Variants in RELCH observed in about 807,000 individuals in gnomAD.
The protein encoded by RELCH is RAB11 binding and LisH domain, coiled-coil and HEAT repeat containing.
A neutral mutation model predicts 150.3 loss-of-function variants in RELCH; 41 were observed. The ratio of observed to expected loss-of-function variants is 0.27; its 90% CI spans 0.21 to 0.35. RELCH has a LOEUF of 0.35. Among genes scored for constraint, RELCH ranks in the 10% least tolerant of loss-of-function variants. The pLI is 1.00. For synonymous variants in RELCH, 478 were observed against 531.8 expected, an observed-to-expected ratio of 0.90 and a Z score of 1.39; for missense variants, 1,092 against 1,467.8, an observed-to-expected ratio of 0.74 and a Z score of 4.18.
chr18:62,295,222 T>C (rs1355527722), intron 27 of RELCH, among the ~76,000 whole-genome samples: 2 of 152,120 alleles, frequency 1.3e-5, no homozygotes, highest in African/African-American at 4.8e-5. Flanking sequence ...TATGATTGAG[T>C]CTTGCTATAT....
Position 62,221,392 on chromosome 18 carries a change from C to G in RELCH, c.753C>G (p.Ile251Met), listed in dbSNP as rs1247461371. The G allele has an allele frequency of 1.9e-6, 3 of 1,598,892 alleles. No homozygotes were observed. The Admixed American group carries it at 5.0e-5, about 27-fold the overall frequency. ...YKSSPEIQEP[I>M]KPLEKRALNF... ...TCTTATTTTGCTTCCAGGAGCCAAT[C>G]AAACCTCTTGAAAAGAGAGCTCTAA... The change falls in exon 5 of 29, where the codon ATC (isoleucine) becomes ATG (methionine). Residue 251 changes from isoleucine to methionine, a missense_variant. By Grantham distance (10) the Ile-to-Met change is conservative. Around this residue, in one of 4 missense-constraint regions of RELCH, gnomAD observed 190 missense variants for 276.2 expected, o/e 0.69. Transcript: ENST00000644646.
At chr18:62,288,061 A>G (rs187604191) in intron 26 of RELCH, among the ~76,000 whole-genome samples, 188 of 152,222 alleles carry the variant, frequency 1.2e-3, no homozygotes, top group Non-Finnish European at 2.2e-3. Context: ...TAAAAGCAAA[A>G]CTGTGACTGG....
intron 10 of RELCH, among the ~76,000 whole-genome samples, chr18:62,240,011 G>A (rs2042064436): frequency 6.6e-6 from 1 of 151,206 alleles, no homozygotes; most frequent in East Asian, 2.0e-4. Flanking sequence ...TGACAATTAG[G>A]GTACTGATAA....
chr18:62,227,260 A>AT (rs2041272689), intron 5 of RELCH, 29 bp from the exon 6 acceptor site: 4 of 1,429,336 alleles, frequency 2.8e-6, no homozygotes, highest in Non-Finnish European at 1.9e-6. Context: ...TTCCTCGAAG[A>AT]TTTTTTATGT....
chr18:62,230,807 A>T (rs1451107673), intron 8 of RELCH, among the ~76,000 whole-genome samples: 1 of 152,084 alleles, frequency 6.6e-6, no homozygotes, highest in African/African-American at 2.4e-5. Flanking sequence ...GTCAACCTTT[A>T]TCCACTTTAC....
At chr18:62,270,716 A>G (rs1312482925) in intron 20 of RELCH, among the ~76,000 whole-genome samples, 2 of 152,060 alleles carry the variant, frequency 1.3e-5, no homozygotes, top group African/African-American at 4.8e-5. Context: ...ACATCGGTAT[A>G]CATGTGCCAT....
At chr18:62,196,788 C>T (rs561609380) in intron 1 of RELCH, among the ~76,000 whole-genome samples, 39 of 152,308 alleles carry the variant, frequency 2.6e-4, no homozygotes, top group African/African-American at 9.4e-4. Flanking sequence ...TTAAGGATTA[C>T]AGCGATCTAA....
chr18:62,299,216 A>G (rs1462807324), intron 28 of RELCH, among the ~76,000 whole-genome samples: 1 of 152,210 alleles, frequency 6.6e-6, no homozygotes, highest in African/African-American at 2.4e-5. Context: ...GAGTTGTAAG[A>G]TGAACAACGT....
rs115561225 is a variant in RELCH at position 62,249,778 on chromosome 18, A to G, written c.1734-2886A>G. On this transcript the variant is annotated intron_variant, in intron 11 of 28. Transcript: ENST00000644646. ...TTTTTCTGTAAGGTGAAAGTGATCT[A>G]CTTTCACCTTACACAAATATAAATT... Among the ~76,000 whole-genome samples the G allele has an allele frequency of 9.7e-4, 147 of 151,738 alleles. 1 individual carries two copies. Among genetic ancestry groups the G allele is most frequent in the African/African-American group, 3.5e-3 (143 of 41,438 alleles).
In RELCH at chr18:62,227,374, A is replaced by G. The variant is rs1297000378; in HGVS notation, c.944A>G (p.Gln315Arg). The G allele has an allele frequency of 1.6e-5, 26 of 1,612,816 alleles. No individual in the cohort carries two copies. Among genetic ancestry groups the G allele is most frequent in the Non-Finnish European group, 2.1e-5 (25 of 1,179,272 alleles). The change falls in exon 6 of 29, where the codon CAA becomes CGA. Residue 315 changes from glutamine to arginine, a missense_variant. By Grantham distance (43) the Gln-to-Arg change is conservative (BLOSUM62 1). Around this residue, in one of 4 missense-constraint regions of RELCH, gnomAD observed 57 missense variants for 41.5 expected, o/e 1.37. Transcript: ENST00000644646. ...CTCTACCGGGATTTTGGAAATCATC[A>G]AGTAACTGGAAAAGATCTTGTAGAT... ...LQLYRDFGNH[Q>R]VTGKDLVDVA... is the part of the protein sequence containing the mutation.
chr18:62,305,318 A>G lies in RELCH; in HGVS notation c.3531-96A>G. ...ATATTAGTTTCCCTTTTGTGACGCC[A>G]ATTCAGAGTGTGTTCGTTAATGATA... On this transcript the variant is annotated intron_variant, in intron 28 of 28. Coordinates refer to ENST00000644646, the MANE Select transcript of RELCH (RefSeq NM_001346231.2). The surrounding 1 kb of genome is among the most constrained non-coding windows in gnomAD (Gnocchi z 4.0). 1.9e-6 allele frequency: 2 copies of G among 1,070,894 alleles called. No homozygotes were observed. The highest frequency in any genetic ancestry group is 2.6e-6 in the Non-Finnish European group (2 of 762,392). The allele number at this position is 1,070,894 out of a possible 1,614,324, so 66.3% of individuals were successfully genotyped here.
intron 13 of RELCH, among the ~76,000 whole-genome samples, chr18:62,256,754 CAGTTGACCCTTGCCTAA>C (rs2043011177): frequency 6.6e-6 from 1 of 152,132 alleles, no homozygotes; most frequent in South Asian, 2.1e-4. Flanking sequence ...CTGATTGCCA[CAGTTGACCCTTGCCTAA>C]ATCAGCATAA....
intron 1 of RELCH, among the ~76,000 whole-genome samples, chr18:62,190,558 C>G (rs889677702): frequency 4.6e-5 from 7 of 152,096 alleles, no homozygotes; most frequent in Admixed American, 1.3e-4. Context: ...GCCTGGGCGA[C>G]AGAGCAAGAC....
rs781553220 is a variant in RELCH, at chr18:62,280,698, A to G, written c.3103A>G (p.Ile1035Val). 2 of 1,600,864 alleles carry G rather than the reference A, an allele frequency of 1.2e-6. No individual in the cohort carries two copies. Among genetic ancestry groups the G allele is most frequent in the Non-Finnish European group, 8.6e-7 (1 of 1,168,192 alleles). ...CTTTGGCACTATTATGGAAACAGTA[A>G]TTCAAAGAGAGGTAGGAATAATTGA... Reference protein sequence around the residue: ...PAFGTIMETVIQRELLERVKM... With the variant: ...PAFGTIMETVVQRELLERVKM... Residue 1035 changes from isoleucine to valine, a missense_variant, in exon 24 of 29, where the codon ATT (isoleucine) becomes GTT (valine). Transcript: ENST00000644646.
intron 27 of RELCH, among the ~76,000 whole-genome samples, chr18:62,297,865 T>G (rs1407764880): frequency 2.0e-5 from 3 of 152,210 alleles, no homozygotes; most frequent in African/African-American, 7.2e-5. Flanking sequence ...CTTCATGTTT[T>G]TACTTAAACA....
chr18:62,303,229 A>G (rs2045744370), intron 28 of RELCH, among the ~76,000 whole-genome samples: 1 of 152,164 alleles, frequency 6.6e-6, no homozygotes, highest in African/African-American at 2.4e-5. Flanking sequence ...GATGGAAAGA[A>G]TCAGAAGTAC....
chr18:62,285,119 TTTTGTTTGTTTGTTTG>T (rs61686710), intron 25 of RELCH, among the ~76,000 whole-genome samples: 3 of 150,726 alleles, frequency 2.0e-5, no homozygotes, highest in Non-Finnish European at 4.4e-5. Context: ...ATATACAGTT[TTTTGTTTGTTTGTTTG>T]TTTGTTTGTT....
chr18:62,216,085 A>G (rs1423207043), intron 2 of RELCH, among the ~76,000 whole-genome samples: 1 of 152,134 alleles, frequency 6.6e-6, no homozygotes, highest in African/African-American at 2.4e-5. Flanking sequence ...TACTTAGTGC[A>G]TATACAATGT....
At chr18:62,280,188 G>C (rs1317565751) in intron 23 of RELCH, 16 of 608,664 alleles carry the variant, frequency 2.6e-5, no homozygotes, top group Non-Finnish European at 4.1e-5. Context: ...CTAACAGGTT[G>C]TTACCAGTAA....
Sources: allele counts gnomAD v4.1 joint callset (sites outside exome capture counted in the v4.1 genomes callset), GRCh38; gene constraint gnomAD v4.1.1; regional missense constraint gnomAD v4.1.1; non-coding constraint Gnocchi (gnomAD v3.1); transcripts MANE v1.5; gene names NCBI Gene and HGNC (gene_info 2026-07-23, HGNC 2026-07-21).